Variants in PIK3AP1 observed in about 807,000 individuals in gnomAD.
PIK3AP1 encodes the protein phosphoinositide 3-kinase adapter protein 1.
Under a neutral mutation model 88.1 loss-of-function variants are expected in PIK3AP1, and 21 were observed. The ratio of observed to expected loss-of-function variants is 0.24; its 90% CI spans 0.17 to 0.34. The LOEUF is 0.34. Ranked by LOEUF, PIK3AP1 falls within the 10% of genes least tolerant of loss-of-function variation. The pLI is 1.00. For synonymous variants in PIK3AP1, 398 were observed against 400.0 expected (o/e 1.00, Z 0.06); for missense variants, 828 against 1,035.7 (o/e 0.80, Z 2.75).
intron 2 of PIK3AP1, among the ~76,000 whole-genome samples, chr10:96,688,893 C>T (rs977723573): frequency 2.6e-5 from 4 of 151,858 alleles, no homozygotes; most frequent in African/African-American, 9.7e-5. Flanking sequence ...ATTACCCCCA[C>T]CCCCCATCTT....
At chr10:96,672,382 T>C (rs1429261574) in intron 2 of PIK3AP1, among the ~76,000 whole-genome samples, 7 of 152,176 alleles carry the variant, frequency 4.6e-5, no homozygotes, top group Non-Finnish European at 7.3e-5. Context: ...GGAACAGTAT[T>C]TCCTTCATTC....
intron 1 of PIK3AP1, among the ~76,000 whole-genome samples, chr10:96,716,777 A>G (rs1379723714): frequency 6.6e-6 from 1 of 152,176 alleles, no homozygotes; most frequent in African/African-American, 2.4e-5. Context: ...CACATGAGCT[A>G]ACAAGGAGTC....
chr10:96,595,974 T>TGA (rs1848747032), intron 16 of PIK3AP1, among the ~76,000 whole-genome samples: 1 of 152,228 alleles, frequency 6.6e-6, no homozygotes. Flanking sequence ...CATTATCTGA[T>TGA]GTTTTGCCAT....
At chr10:96,694,643 C>T (rs1844197891) in intron 2 of PIK3AP1, among the ~76,000 whole-genome samples, 1 of 151,660 alleles carries the variant, frequency 6.6e-6, no homozygotes, top group Admixed American at 6.6e-5. Flanking sequence ...AAGCGATCCT[C>T]CCACCTCAGT....
chr10:96,710,442 G>C (rs1844424303), intron 1 of PIK3AP1, among the ~76,000 whole-genome samples: 1 of 151,960 alleles, frequency 6.6e-6, no homozygotes, highest in Non-Finnish European at 1.5e-5. Flanking sequence ...GGCTAGTCTT[G>C]AACTTCTGAC....
intron 13 of PIK3AP1, among the ~76,000 whole-genome samples, chr10:96,616,024 C>T (rs568029111): frequency 1.3e-5 from 2 of 152,338 alleles, no homozygotes; most frequent in South Asian, 4.1e-4. Flanking sequence ...CAGAGGCTCT[C>T]TGTGGGAAGA....
At chr10:96,632,485 C>G (rs534199015) in intron 8 of PIK3AP1, among the ~76,000 whole-genome samples, 37 of 151,990 alleles carry the variant, frequency 2.4e-4, no homozygotes, top group African/African-American at 8.9e-4. Context: ...TGAGGATGAC[C>G]CCATGATCCT....
At chr10:96,693,057 G>A (rs983456271) in intron 2 of PIK3AP1, among the ~76,000 whole-genome samples, 1 of 152,150 alleles carries the variant, frequency 6.6e-6, no homozygotes, top group Non-Finnish European at 1.5e-5. Flanking sequence ...AAAAGGCCCT[G>A]CCCCTCTGTT....
rs535366825 is a variant in PIK3AP1 at position 96,609,005 on chromosome 10, G to A, written c.2170+707C>T. ...CCCTGGATACGGGAACAAAGCCCTCGGCTCCTGCCTGATGCATCAGGCTGT... is the reference window on the plus strand; with the variant it reads ...CCCTGGATACGGGAACAAAGCCCTCAGCTCCTGCCTGATGCATCAGGCTGT... On this transcript the variant is annotated intron_variant, in intron 14 of 16. Transcript: ENST00000339364. 8.5e-5 allele frequency among the ~76,000 whole-genome samples: 13 copies of A among 152,300 alleles called. No individual in the cohort carries two copies. In the East Asian group the frequency reaches 1.2e-3, roughly 14 times the overall value.
intron 2 of PIK3AP1, among the ~76,000 whole-genome samples, chr10:96,693,386 C>A (rs976293364): frequency 6.6e-6 from 1 of 151,860 alleles, no homozygotes; most frequent in African/African-American, 2.4e-5. Flanking sequence ...GATGGACAGA[C>A]GGATGGATAA....
intron 2 of PIK3AP1, among the ~76,000 whole-genome samples, chr10:96,701,225 C>T (rs1189868961): frequency 6.6e-6 from 1 of 152,216 alleles, no homozygotes; most frequent in Non-Finnish European, 1.5e-5. Flanking sequence ...GCCTGGAGCA[C>T]TCAGGGAAGC....
intron 11 of PIK3AP1, among the ~76,000 whole-genome samples, chr10:96,622,384 A>G (rs1225511325): frequency 1.3e-5 from 2 of 152,174 alleles, no homozygotes; most frequent in Admixed American, 6.6e-5. Context: ...TTGACGTTTC[A>G]CTCAATTCAT....
At chr10:96,616,556 T>C in intron 13 of PIK3AP1, 83 bp downstream of exon 13, 2 of 1,466,806 alleles carry the variant, frequency 1.4e-6, no homozygotes, top group South Asian at 1.1e-5. Flanking sequence ...GTCTGCCCAC[T>C]CAGGCCACAG....
At chr10:96,656,310 G>A (rs1016054060) in intron 3 of PIK3AP1, among the ~76,000 whole-genome samples, 10 of 152,334 alleles carry the variant, frequency 6.6e-5, no homozygotes, top group Non-Finnish European at 1.0e-4. Flanking sequence ...ATGATGTATG[G>A]CATTTATCTG....
intron 12 of PIK3AP1, among the ~76,000 whole-genome samples, chr10:96,619,745 C>T (rs911593584): frequency 2.0e-5 from 3 of 152,214 alleles, no homozygotes; most frequent in Non-Finnish European, 4.4e-5. Flanking sequence ...CTCTGACACC[C>T]CAGTCCTCCA....
chr10:96,614,114 G>T (rs1849172902), intron 13 of PIK3AP1, among the ~76,000 whole-genome samples: 1 of 152,118 alleles, frequency 6.6e-6, no homozygotes, highest in African/African-American at 2.4e-5. Context: ...GAGCCCAGAT[G>T]AGTGGTCAGG....
At chr10:96,647,323 G>A (rs1014935625) in intron 7 of PIK3AP1, among the ~76,000 whole-genome samples, 4 of 152,144 alleles carry the variant, frequency 2.6e-5, no homozygotes, top group African/African-American at 7.2e-5. Context: ...TTTCTAAGCC[G>A]TTTTCCTCTT....
At chr10:96,627,469 C>G (rs1843169190) in intron 9 of PIK3AP1, among the ~76,000 whole-genome samples, 1 of 152,190 alleles carries the variant, frequency 6.6e-6, no homozygotes, top group African/African-American at 2.4e-5. Context: ...ATATATAATA[C>G]TAAATAAACG....
intron 16 of PIK3AP1, among the ~76,000 whole-genome samples, chr10:96,596,851 G>A (rs1276437457): frequency 2.0e-5 from 3 of 152,170 alleles, no homozygotes; most frequent in Non-Finnish European, 4.4e-5. Context: ...GCTTTGTTAG[G>A]TGCTATAATT....
Sources: gnomAD v4.1 joint callset for allele counts (sites outside exome capture counted in the v4.1 genomes callset) on GRCh38, gnomAD v4.1.1 for gene constraint, MANE v1.5 for transcripts, NCBI Gene and HGNC (gene_info 2026-07-23, HGNC 2026-07-21) for gene names.